ZBTB17: variants seen among roughly 807,000 people sequenced by gnomAD.
ZBTB17 encodes the protein zinc finger and BTB domain-containing protein 17.
ZBTB17 carries 24 observed loss-of-function variants against 85.1 expected under a neutral mutation model. The observed-to-expected ratio is 0.28, with a 90% CI of 0.20 to 0.40. The LOEUF (loss-of-function observed/expected upper bound fraction) is 0.40, where lower values mean the gene tolerates loss of function less well. Among genes scored for constraint, ZBTB17 ranks in the 10% least tolerant of loss-of-function variants. The pLI is 1.00. For missense variants in ZBTB17, 743 were observed against 1,105.1 expected (o/e 0.67, Z 4.65); for synonymous variants, 464 against 460.2 (o/e 1.01, Z -0.11).
At chr1:15,946,815 G>C in intron 4 of ZBTB17, 120 bp downstream of exon 4, 1 of 1,269,558 alleles carries the variant, frequency 7.9e-7, no homozygotes. Flanking sequence ...ACCCTTGCCA[G>C]CACCCACAAC....
chr1:15,972,870 A>G (rs144517343), intron 2 of ZBTB17, among the ~76,000 whole-genome samples, 169 bp downstream of exon 2: 85 of 152,352 alleles, frequency 5.6e-4, no homozygotes, highest in Non-Finnish European at 1.0e-3. Context: ...AGGTAAAACA[A>G]TAATAGTAAG....
intron 2 of ZBTB17, among the ~76,000 whole-genome samples, chr1:15,959,116 A>G (rs2072156512): frequency 6.6e-6 from 1 of 152,238 alleles, no homozygotes; most frequent in Non-Finnish European, 1.5e-5. Flanking sequence ...AGCCTGAACC[A>G]GTGGCCTTCC....
At position 15,973,387 on chromosome 1, in the gene ZBTB17, A is replaced by G. The variant is rs1032461294; in HGVS notation, c.-89-262T>C. On this transcript the variant is annotated intron_variant, in intron 1 of 15. Coordinates refer to ENST00000375743, the MANE Select transcript of ZBTB17 (RefSeq NM_003443.3). This position sits in a 1 kb window ranked among gnomAD's most constrained non-coding sequence, Gnocchi z 4.1. ...ATAAGAGACAGGACACAATGTTAAG[A>G]AGGAAAAACGACAAGGTTTGTATCC... Among the ~76,000 whole-genome samples, 2 of 152,170 alleles carry G rather than the reference A, an allele frequency of 1.3e-5. No homozygotes were observed. Among genetic ancestry groups the G allele is most frequent in the Admixed American group, 6.5e-5 (1 of 15,290 alleles).
intron 9 of ZBTB17, 143 bp downstream of exon 9, chr1:15,944,157 C>T (rs2071483907): frequency 1.6e-6 from 2 of 1,287,732 alleles, no homozygotes; most frequent in Non-Finnish European, 1.1e-6. Context: ...AAGTGGCTCT[C>T]GCTGCGCCTG....
rs1301671963 is a variant in ZBTB17, at chr1:15,944,414, C to T, written c.1257G>A (p.Gln419=). The stretch of plus-strand genomic sequence containing the variant: ...AGAAGGAGCGGCCGCAGTAGTCGCA[C>T]TGGTAGGGCTTCTCGCCGCTGTGCA... ...QLVHSGEKPY[Q]CDYCGRSFSD... The change falls in exon 9 of 16, where the codon CAG becomes CAA. Residue 419 remains glutamine, a synonymous_variant. Transcript: ENST00000375743. 6.4e-7 allele frequency: 1 copy of T among 1,566,432 alleles called. No individual in the cohort carries two copies. The highest frequency in any genetic ancestry group is 8.6e-7 in the Non-Finnish European group (1 of 1,156,172).
intron 1 of ZBTB17, among the ~76,000 whole-genome samples, chr1:15,975,431 C>A (rs1166164514): frequency 6.6e-6 from 1 of 152,198 alleles, no homozygotes; most frequent in East Asian, 1.9e-4. Context: ...GGATCGAGTC[C>A]GCCCGCATCA....
intron 6 of ZBTB17, 97 bp downstream of exon 6, chr1:15,945,618 C>G (rs2071565026): frequency 6.5e-7 from 1 of 1,538,704 alleles, no homozygotes; most frequent in East Asian, 2.3e-5. Flanking sequence ...GTGGGACTAG[C>G]TGGAGGCAGG....
At chr1:15,945,276 GT>G in intron 6 of ZBTB17, 74 bp from the exon 7 acceptor site, 1 of 1,518,146 alleles carries the variant, frequency 6.6e-7, no homozygotes, top group South Asian at 1.3e-5. Flanking sequence ...CCGGCAACAT[GT>G]GGAAGGGACA....
chr1:15,945,803 C>T lies in ZBTB17; in HGVS notation c.573G>A (p.Glu191=). Residue 191 remains glutamate, a synonymous_variant, in exon 6 of 16, where the codon GAG becomes GAA. Transcript: ENST00000375743. ...CTGGCTTGAGCTCCACAGGCGGCGG[C>T]TCCCGGGGCGCATCGGCTTTCTCTG... ...EQTEKADAPR[E]PPPVELKPDP... 6.2e-7 allele frequency: 1 copy of T among 1,603,362 alleles called. No homozygotes were observed. The highest frequency in any genetic ancestry group is 8.5e-7 in the Non-Finnish European group (1 of 1,179,004).
At position 15,941,915 on chromosome 1, in the gene ZBTB17, C is replaced by T. The variant is rs1570086997; in HGVS notation, c.*54G>A. 3.9e-6 allele frequency: 6 copies of T among 1,548,350 alleles called. No individual in the cohort carries two copies. In the East Asian group the frequency reaches 1.4e-4, roughly 35 times the overall value. ...TCTCTCTAGGGAACAGGCCACCCTT[C>T]CCGGTTCCAGGGTGCCATCCATCCT... On this transcript the variant is annotated 3_prime_UTR_variant, in exon 16 of 16. Coordinates refer to ENST00000375743, the MANE Select transcript of ZBTB17 (RefSeq NM_003443.3).
chr1:15,965,724 A>G (rs1480196912), intron 2 of ZBTB17, among the ~76,000 whole-genome samples: 1 of 152,256 alleles, frequency 6.6e-6, no homozygotes, highest in Non-Finnish European at 1.5e-5. Context: ...AACATTATTC[A>G]TCTGTGAAAA....
At position 15,948,299 on chromosome 1, in the gene ZBTB17, T is replaced by A; in HGVS notation, c.197A>T (p.Asn66Ile). The A allele has an allele frequency of 6.2e-7, 1 of 1,613,866 alleles. No individual in the cohort carries two copies. Among genetic ancestry groups the A allele is most frequent in the Non-Finnish European group, 8.5e-7 (1 of 1,180,032 alleles). Reference protein sequence around the residue: ...QKDVVHLDISNAAGLGQVLEF... With the variant: ...QKDVVHLDISIAAGLGQVLEF... ...CAGCCCTGACGGGGTACCTGCCGCG[T>A]TACTGATGTCCAGGTGCACCACGTC... The change falls in exon 3 of 16, where the codon AAC (asparagine) becomes ATC (isoleucine). Residue 66 changes from asparagine to isoleucine, a missense_variant. By Grantham distance (149) the Asn-to-Ile change is moderately radical. Around this residue, in one of 4 missense-constraint regions of ZBTB17, gnomAD observed 74 missense variants for 142.6 expected, o/e 0.52. Coordinates refer to ENST00000375743, the MANE Select transcript of ZBTB17 (RefSeq NM_003443.3).
intron 6 of ZBTB17, 53 bp from the exon 7 acceptor site, chr1:15,945,255 C>T (rs1297944946): frequency 1.3e-6 from 2 of 1,534,754 alleles, no homozygotes; most frequent in Admixed American, 2.0e-5. Context: ...CCTGAGCGCA[C>T]GTGAGGGGCG....
At chr1:15,971,549 A>T (rs1570224548) in intron 2 of ZBTB17, among the ~76,000 whole-genome samples, 3 of 143,698 alleles carry the variant, frequency 2.1e-5, no homozygotes, top group South Asian at 2.2e-4. Context: ...ATACACACAC[A>T]CTATATATAT....
intron 2 of ZBTB17, chr1:15,969,887 G>T: frequency 1.6e-6 from 1 of 618,558 alleles, no homozygotes; most frequent in South Asian, 1.5e-5. Flanking sequence ...CCCTTAGACA[G>T]ACGGAGGCAG....
At chr1:15,971,963 G>A (rs1004463897) in intron 2 of ZBTB17, among the ~76,000 whole-genome samples, 3 of 151,832 alleles carry the variant, frequency 2.0e-5, no homozygotes, top group African/African-American at 7.3e-5. Context: ...TCAACGGGAG[G>A]GCAGATTCAC....
Position 15,945,709 on chromosome 1 carries a change from G to C in ZBTB17, c.661+6C>G. 2 of 1,606,874 alleles carry C rather than the reference G, an allele frequency of 1.2e-6. No homozygotes were observed. The highest frequency in any genetic ancestry group is 1.7e-6 in the Non-Finnish European group (2 of 1,179,810). On this transcript the variant is annotated splice_donor_region_variant and intron_variant, in intron 6 of 15. Transcript: ENST00000375743. The stretch of plus-strand genomic sequence containing the variant: ...GTAGGGCCTGGTCCTGGCTGGGCGG[G>C]GCTACCTTGCTCCGAGCTCTCGGAC...
At chr1:15,946,337 C>T in intron 4 of ZBTB17, 43 bp from the exon 5 acceptor site, 1 of 1,588,896 alleles carries the variant, frequency 6.3e-7, no homozygotes, top group Non-Finnish European at 8.6e-7. Flanking sequence ...CCATCAAGTG[C>T]CCGCCATCTG....
At chr1:15,971,380 A>ATT (rs2072649055) in intron 2 of ZBTB17, among the ~76,000 whole-genome samples, 3 of 92,254 alleles carry the variant, frequency 3.3e-5, no homozygotes, top group Admixed American at 9.6e-5. Context: ...ATATACACAC[A>ATT]CTATATATAT....
Sources: gnomAD v4.1 joint callset for allele counts (sites outside exome capture counted in the v4.1 genomes callset) on GRCh38, gnomAD v4.1.1 for gene constraint, gnomAD v4.1.1 regional missense constraint, Gnocchi (gnomAD v3.1) non-coding constraint, MANE v1.5 for transcripts, NCBI Gene and HGNC (gene_info 2026-07-23, HGNC 2026-07-21) for gene names.